The following ARIH2 variants were observed in gnomAD, a reference collection of about 807,000 sequenced individuals.
The protein encoded by ARIH2 is E3 ubiquitin-protein ligase ARIH2.
In ARIH2, 12 loss-of-function variants were observed where a neutral mutation model predicts 79.8. That is an observed-to-expected ratio of 0.15 (90% CI 0.10 to 0.24). The LOEUF is 0.24. Among genes scored for constraint, ARIH2 ranks in the 10% least tolerant of loss-of-function variants. The pLI is 1.00. For synonymous variants in ARIH2, 224 were observed against 213.9 expected (o/e 1.05, Z -0.41); for missense variants, 301 against 618.3 (o/e 0.49, Z 5.44).
intron 4 of ARIH2, among the ~76,000 whole-genome samples, chr3:48,962,529 G>A (rs1477550770): frequency 6.6e-6 from 1 of 152,146 alleles, no homozygotes; most frequent in Non-Finnish European, 1.5e-5. Flanking sequence ...GTCAGGAAAA[G>A]GGGCACCTCC....
At chr3:48,956,567 A>C (rs1001404014) in intron 3 of ARIH2, among the ~76,000 whole-genome samples, 3 of 145,354 alleles carry the variant, frequency 2.1e-5, no homozygotes, top group Admixed American at 7.1e-5. Flanking sequence ...AGTAGCTGGG[A>C]CCACAGGCAT....
intron 3 of ARIH2, among the ~76,000 whole-genome samples, chr3:48,959,186 G>A (rs1038700086): frequency 4.3e-4 from 64 of 149,972 alleles, no homozygotes; most frequent in African/African-American, 1.4e-3. Flanking sequence ...TGTGGTGGTG[G>A]GCGCCTGTAG....
rs900852765 is a variant in ARIH2, at chr3:48,979,479, C to T, written c.962-3C>T. On this transcript the variant is annotated splice_region_variant and splice_polypyrimidine_tract_variant and intron_variant, in intron 11 of 15. Transcript: ENST00000356401. ...TAAATGACTCTTCCTCTGTTCTGCA[C>T]AGACTTCTGCTGGATGTGTCTAGGA... 1.2e-6 allele frequency: 2 copies of T among 1,613,752 alleles called. No homozygotes were observed. Among genetic ancestry groups the T allele is most frequent in the Non-Finnish European group, 1.7e-6 (2 of 1,179,858 alleles).
chr3:48,929,333 T>G (rs146692160), intron 3 of ARIH2, among the ~76,000 whole-genome samples: 196 of 151,550 alleles, frequency 1.3e-3, no homozygotes, highest in African/African-American at 4.0e-3. Context: ...CCGTCCGTCC[T>G]TCCTTCCTTC....
rs772544492 is a variant in ARIH2 at position 48,918,920 on chromosome 3, G to T, written c.-240G>T. 7.5e-6 allele frequency: 12 copies of T among 1,596,490 alleles called. No individual in the cohort carries two copies. In the African/African-American group the frequency reaches 8.0e-5, roughly 11 times the overall value. On this transcript the variant is annotated 5_prime_UTR_variant, in exon 1 of 16. Transcript: ENST00000356401. ...GGCCCGCCGCCTCCGCTGCCGCTTC[G>T]CCCCAATCCGGTCCCTCTGGCCCGG...
At chr3:48,961,011 A>G (rs1483127374) in intron 3 of ARIH2, among the ~76,000 whole-genome samples, 1 of 152,198 alleles carries the variant, frequency 6.6e-6, no homozygotes, top group Admixed American at 6.6e-5. Context: ...AGCTATAACT[A>G]TGTGCTTTAA....
At chr3:48,953,411 A>G (rs995769475) in intron 3 of ARIH2, among the ~76,000 whole-genome samples, 1 of 151,564 alleles carries the variant, frequency 6.6e-6, no homozygotes, top group African/African-American at 2.4e-5. Flanking sequence ...TCTTTTTTTT[A>G]TTTTTTATTT....
chr3:48,973,986 A>G (rs1157184191), intron 9 of ARIH2, among the ~76,000 whole-genome samples, 170 bp downstream of exon 9: 1 of 152,152 alleles, frequency 6.6e-6, no homozygotes, highest in Non-Finnish European at 1.5e-5. Flanking sequence ...GCAGTTTATT[A>G]TAGGATGCAT....
rs1369509920 is a variant in ARIH2, at chr3:48,920,616, A to C, written c.-162+1618A>C. ...CAAGCAGTTCTGCCTTAGCCTCCCG[A>C]GTAGCTGGGATTACAGCTGGGATTA... On this transcript the variant is annotated intron_variant, in intron 1 of 15. Coordinates refer to ENST00000356401, the MANE Select transcript of ARIH2 (RefSeq NM_006321.4). 1.2e-4 allele frequency among the ~76,000 whole-genome samples: 8 copies of C among 68,636 alleles called. 3 individuals are homozygous for C. Among genetic ancestry groups the C allele is most frequent in the Non-Finnish European group, 1.4e-4 (5 of 34,984 alleles). 45.0% of individuals were successfully genotyped at this position (68,636 alleles called of 152,430 possible).
rs2092826864 is a variant in ARIH2 at position 48,983,671 on chromosome 3, G to A, written c.*401G>A. 5.5e-6 allele frequency: 1 copy of A among 183,438 alleles called. No individual in the cohort carries two copies. Among genetic ancestry groups the A allele is most frequent in the Non-Finnish European group, 1.1e-5 (1 of 87,492 alleles). 11.4% of individuals were successfully genotyped at this position (183,438 alleles called of 1,614,324 possible). On this transcript the variant is annotated 3_prime_UTR_variant, in exon 16 of 16. Coordinates refer to ENST00000356401, the MANE Select transcript of ARIH2 (RefSeq NM_006321.4). Reference sequence around the variant, plus strand: ...CCTTTTTGAAAATAAATTGGCATTGGAGTGTTTTACCCTCTAGCTGTTTTA... The same window carrying A: ...CCTTTTTGAAAATAAATTGGCATTGAAGTGTTTTACCCTCTAGCTGTTTTA...
intron 1 of ARIH2, chr3:48,919,358 C>G (rs867325129): frequency 1.7e-6 from 1 of 598,438 alleles, no homozygotes; most frequent in East Asian, 3.6e-5. Context: ...GCAGCGCTGC[C>G]CGCGCGGTTT....
chr3:48,944,014 T>C (rs984655353), intron 3 of ARIH2, among the ~76,000 whole-genome samples: 3 of 152,184 alleles, frequency 2.0e-5, no homozygotes, highest in African/African-American at 7.2e-5. Context: ...TTTCTTTTGG[T>C]TGGGTTTGCT....
chr3:48,956,221 C>T (rs2090553370), intron 3 of ARIH2, among the ~76,000 whole-genome samples: 1 of 151,774 alleles, frequency 6.6e-6, no homozygotes, highest in African/African-American at 2.4e-5. Flanking sequence ...TCACTGCAAC[C>T]TCCATCTCCT....
At chr3:48,943,009 C>T (rs2088556460) in intron 3 of ARIH2, among the ~76,000 whole-genome samples, 1 of 151,992 alleles carries the variant, frequency 6.6e-6, no homozygotes, top group Non-Finnish European at 1.5e-5. Context: ...GAATTCCTGA[C>T]CTCAGGAGAT....
chr3:48,951,944 C>T (rs182772355), intron 3 of ARIH2, among the ~76,000 whole-genome samples: 144 of 151,958 alleles, frequency 9.5e-4, no homozygotes, highest in East Asian at 4.4e-3. Context: ...CTTTTTACTT[C>T]GTTTTAACTT....
chr3:48,964,425 C>T (rs2091579904), intron 4 of ARIH2, among the ~76,000 whole-genome samples: 1 of 151,966 alleles, frequency 6.6e-6, no homozygotes, highest in African/African-American at 2.4e-5. Context: ...GAACGATTCT[C>T]TTGCCTCAGG....
chr3:48,934,482 G>T, intron 3 of ARIH2: 2 of 985,200 alleles, frequency 2.0e-6, no homozygotes, highest in Non-Finnish European at 2.4e-6. Context: ...CTTCAAGCTG[G>T]GCCTGGTTAC....
At chr3:48,979,334 G>A in intron 11 of ARIH2, 148 bp from the exon 12 acceptor site, 1 of 708,328 alleles carries the variant, frequency 1.4e-6, no homozygotes, top group Non-Finnish European at 2.3e-6. Flanking sequence ...GATGAGAGGT[G>A]CACATTCCTT....
Position 48,923,523 on chromosome 3 carries a change from G to GT in ARIH2, c.-98+727dup, listed in dbSNP as rs772701634. 5.4e-3 allele frequency among the ~76,000 whole-genome samples: 756 copies of GT among 138,940 alleles called. 12 individuals carry two copies. The highest frequency in any genetic ancestry group is 0.052 in the East Asian group (251 of 4,836). 91.2% of individuals were successfully genotyped at this position (138,940 alleles called of 152,430 possible). On this transcript the variant is annotated intron_variant, in intron 2 of 15. Coordinates refer to ENST00000356401, the MANE Select transcript of ARIH2 (RefSeq NM_006321.4). ...ACATATCAACTTAGATATAGTGAGT[G>GT]TTTTTTTTTTTTTTTAAGATAGAGT...
Sources: allele counts gnomAD v4.1 joint callset (sites outside exome capture counted in the v4.1 genomes callset), GRCh38; gene constraint gnomAD v4.1.1; transcripts MANE v1.5; gene names NCBI Gene and HGNC (gene_info 2026-07-23, HGNC 2026-07-21).